The following CFAP299 variants were observed in gnomAD, a reference collection of about 807,000 sequenced individuals.
CFAP299 encodes the protein cilia- and flagella-associated protein 299.
A neutral mutation model predicts 27.0 loss-of-function variants in CFAP299; 21 were observed. That is an observed-to-expected ratio of 0.78 (90% CI 0.55 to 1.12). The LOEUF is 1.12. CFAP299 is among the 50% of genes most tolerant of loss of function. CFAP299 has a pLI of 0.00. For synonymous variants in CFAP299, 104 were observed against 98.1 expected, an observed-to-expected ratio of 1.06 and a Z score of -0.36; for missense variants, 310 against 276.6, an observed-to-expected ratio of 1.12 and a Z score of -0.86.
intron 2 of CFAP299, among the ~76,000 whole-genome samples, chr4:80,541,666 A>G (rs761283476): frequency 1.3e-5 from 2 of 152,196 alleles, no homozygotes; most frequent in African/African-American, 4.8e-5. Flanking sequence ...TCTGTTCACA[A>G]ACATTCACTT....
chr4:80,479,128 A>G (rs1730430864), intron 2 of CFAP299, among the ~76,000 whole-genome samples: 1 of 152,032 alleles, frequency 6.6e-6, no homozygotes, highest in Non-Finnish European at 1.5e-5. Context: ...TGATATAACA[A>G]TTTTACACTG....
rs568245240 is a variant in CFAP299 at position 80,808,768 on chromosome 4, C to G, written c.334-61225C>G. Among the ~76,000 whole-genome samples the G allele has an allele frequency of 1.0e-3, 159 of 152,174 alleles. 1 individual carries two copies. The highest frequency in any genetic ancestry group is 7.4e-3 in the Admixed American group (113 of 15,272). On this transcript the variant is annotated intron_variant, in intron 3 of 5. Transcript: ENST00000358105. ...CAGGACTGCATTCTTTTGAGGGTCT[C>G]GATTCTGAGAGCCACAATTATAGGT...
chr4:80,691,890 TACACCA>T (rs920715915), intron 3 of CFAP299, among the ~76,000 whole-genome samples: 17 of 152,178 alleles, frequency 1.1e-4, no homozygotes, highest in Non-Finnish European at 1.5e-5. Flanking sequence ...ATCATTCTTA[TACACCA>T]ACAACAGACA....
At chr4:80,597,973 C>T (rs1486017) in intron 3 of CFAP299, among the ~76,000 whole-genome samples, 5,662 of 152,240 alleles carry the variant, frequency 0.037, 347 homozygotes, top group African/African-American at 0.13. Context: ...AGGCATGAGC[C>T]GCCGTACCCG....
chr4:80,804,947 T>G (rs140150001), intron 3 of CFAP299, among the ~76,000 whole-genome samples: 212 of 152,252 alleles, frequency 1.4e-3, no homozygotes, highest in African/African-American at 4.9e-3. Flanking sequence ...ATGTTCCTCA[T>G]TTTTTGCATT....
intron 2 of CFAP299, among the ~76,000 whole-genome samples, chr4:80,382,056 T>C (rs1724727637): frequency 6.6e-6 from 1 of 152,136 alleles, no homozygotes; most frequent in Non-Finnish European, 1.5e-5. Context: ...AGGTTGAGGT[T>C]AGTGTTCAAA....
At chr4:80,361,044 T>C (rs183063436) in intron 1 of CFAP299, among the ~76,000 whole-genome samples, 1 of 152,350 alleles carries the variant, frequency 6.6e-6, no homozygotes, top group Admixed American at 6.5e-5. Flanking sequence ...TTAACTAGGA[T>C]ATTTCAAGAC....
intron 4 of CFAP299, among the ~76,000 whole-genome samples, chr4:80,922,932 T>C (rs1452568454): frequency 6.6e-6 from 1 of 151,282 alleles, no homozygotes; most frequent in Non-Finnish European, 1.5e-5. Context: ...AATATATACA[T>C]TTTACATATA....
intron 3 of CFAP299, among the ~76,000 whole-genome samples, chr4:80,654,357 A>T (rs1281118954): frequency 6.6e-6 from 1 of 152,052 alleles, no homozygotes; most frequent in African/African-American, 2.4e-5. Flanking sequence ...ATTTTCTGTA[A>T]ACTCTGTTGC....
At chr4:80,466,353 C>T (rs1450967198) in intron 2 of CFAP299, among the ~76,000 whole-genome samples, 1 of 152,000 alleles carries the variant, frequency 6.6e-6, no homozygotes, top group Non-Finnish European at 1.5e-5. Context: ...TATTTTAACC[C>T]AAAGAACTGA....
chr4:80,511,530 T>A (rs1481044628), intron 2 of CFAP299, among the ~76,000 whole-genome samples: 1 of 152,186 alleles, frequency 6.6e-6, no homozygotes, highest in Non-Finnish European at 1.5e-5. Context: ...TTTTTCATAT[T>A]TTTTCACTTA....
rs75257872 is a variant in CFAP299, at chr4:80,451,188, C to A, written c.242+88304C>A. Among the ~76,000 whole-genome samples, 6 of 152,242 alleles carry A rather than the reference C, an allele frequency of 3.9e-5. No individual in the cohort carries two copies. In the South Asian group the frequency reaches 1.2e-3, roughly 32 times the overall value. On this transcript the variant is annotated intron_variant, in intron 2 of 5. Transcript: ENST00000358105. Reference sequence around the variant, plus strand: ...CCTTTTGAGGCCTCTCTCACTGGCTCGCAGATGGATGGCTGCCTCCTTGCT... The same window carrying A: ...CCTTTTGAGGCCTCTCTCACTGGCTAGCAGATGGATGGCTGCCTCCTTGCT...
At chr4:80,826,534 A>T (rs952137965) in intron 3 of CFAP299, among the ~76,000 whole-genome samples, 4 of 151,844 alleles carry the variant, frequency 2.6e-5, no homozygotes, top group African/African-American at 9.7e-5. Context: ...AAATATTTAC[A>T]TACCTAATAA....
intron 4 of CFAP299, among the ~76,000 whole-genome samples, chr4:80,914,218 T>C (rs1372011701): frequency 6.6e-6 from 1 of 152,216 alleles, no homozygotes; most frequent in Admixed American, 6.5e-5. Context: ...AGTAGGATTA[T>C]TGGATATGAT....
intron 4 of CFAP299, among the ~76,000 whole-genome samples, chr4:80,882,033 T>G (rs1578209220): frequency 6.6e-6 from 1 of 152,204 alleles, no homozygotes; most frequent in East Asian, 1.9e-4. Context: ...TAAAGACAGG[T>G]TATTTTAAAT....
At chr4:80,880,946 C>T (rs1163065827) in intron 4 of CFAP299, among the ~76,000 whole-genome samples, 1 of 152,108 alleles carries the variant, frequency 6.6e-6, no homozygotes, top group Non-Finnish European at 1.5e-5. Context: ...CTTCTTGCAG[C>T]TGGATTCTTT....
intron 2 of CFAP299, among the ~76,000 whole-genome samples, chr4:80,411,080 G>T (rs891860232): frequency 3.9e-5 from 6 of 152,128 alleles, no homozygotes; most frequent in Non-Finnish European, 4.4e-5. Flanking sequence ...AAGCAGCATT[G>T]TATGTAACCA....
At chr4:80,330,847 A>G (rs1244517383), upstream of CFAP299, among the ~76,000 whole-genome samples, 1 of 152,212 alleles carries the variant, frequency 6.6e-6, no homozygotes, top group Non-Finnish European at 1.5e-5. Context: ...ATATAGAAAA[A>G]GCATTTTATT....
At chr4:80,325,922 C>T in the CFAP299 span, among the ~76,000 whole-genome samples, 1 of 152,174 alleles carries the variant, frequency 6.6e-6, no homozygotes, top group Admixed American at 6.5e-5. Context: ...AGTGCAGATA[C>T]AGATTGGTGT....
Sources: allele counts gnomAD v4.1 joint callset (sites outside exome capture counted in the v4.1 genomes callset), GRCh38; gene constraint gnomAD v4.1.1; transcripts MANE v1.5; gene names NCBI Gene and HGNC (gene_info 2026-07-23, HGNC 2026-07-21).